Variants in MGST1 observed in about 807,000 individuals in gnomAD.
MGST1 encodes microsomal glutathione S-transferase 1.
In MGST1, 5 loss-of-function variants were observed where a neutral mutation model predicts 8.9. The observed-to-expected ratio is 0.56, with a 90% CI of 0.29 to 1.19. The LOEUF (loss-of-function observed/expected upper bound fraction) is 1.19, where lower values mean the gene tolerates loss of function less well. MGST1 is among the 50% of genes most tolerant of loss of function. The pLI, the probability that MGST1 is intolerant of heterozygous loss-of-function variation, is 0.08. For synonymous variants in MGST1, 54 were observed against 67.8 expected (o/e 0.80, Z 1.00); for missense variants, 182 against 187.4 (o/e 0.97, Z 0.17).
At position 16,582,784 on chromosome 12, in the gene MGST1, A is replaced by G. The variant is rs563272624; in HGVS notation, n.483-6744A>G. ...AGAACTAGGCCGGGCACGGTGGCCC[A>G]TGCCTGTAATCCCAGCACTTTGGGA... On this transcript the variant is annotated intron_variant and non_coding_transcript_variant, in intron 4 of 4. Transcript: ENST00000538857. This position sits in a 1 kb window ranked among gnomAD's most constrained non-coding sequence, Gnocchi z 4.1. Among the ~76,000 whole-genome samples the G allele has an allele frequency of 2.7e-3, 414 of 152,322 alleles. No homozygotes were observed. The highest frequency in any genetic ancestry group is 4.8e-3 in the Non-Finnish European group (329 of 68,026).
At chr12:16,590,146 T>G (rs1013149145), downstream of MGST1, among the ~76,000 whole-genome samples, 2 of 152,090 alleles carry the variant, frequency 1.3e-5, no homozygotes, top group Non-Finnish European at 2.9e-5. Flanking sequence ...TAAAAGACAC[T>G]TTGTACATAC....
intron 1 of MGST1, among the ~76,000 whole-genome samples, chr12:16,398,829 A>G (rs1264888381): frequency 6.6e-6 from 1 of 152,160 alleles, no homozygotes; most frequent in East Asian, 1.9e-4. Context: ...ACTTAAAGAG[A>G]TGTGAGGAAG....
intron 4 of MGST1, among the ~76,000 whole-genome samples, chr12:16,481,992 G>C (rs983124268): frequency 4.6e-5 from 7 of 152,082 alleles, no homozygotes; most frequent in African/African-American, 7.2e-5. Context: ...AAAGACTGGA[G>C]AGAAAAGACA....
intron 4 of MGST1, among the ~76,000 whole-genome samples, chr12:16,571,331 A>G (rs941585850): frequency 6.6e-6 from 1 of 152,118 alleles, no homozygotes; most frequent in African/African-American, 2.4e-5. Flanking sequence ...TTCATGAAGC[A>G]TATTCTATTT....
chr12:16,400,810 T>A, intron 1 of MGST1: 1 of 1,238,136 alleles, frequency 8.1e-7, no homozygotes, highest in Non-Finnish European at 1.2e-6. Context: ...CAGGCATTAT[T>A]ACAGTCTCAT....
chr12:16,508,349 G>A (rs1941554282), intron 4 of MGST1, among the ~76,000 whole-genome samples: 1 of 152,108 alleles, frequency 6.6e-6, no homozygotes, highest in South Asian at 2.1e-4. Flanking sequence ...TTCCCTCAGA[G>A]TACTGTGTTC....
chr12:16,474,501 C>T (rs1239861951), intron 4 of MGST1, among the ~76,000 whole-genome samples: 2 of 152,202 alleles, frequency 1.3e-5, no homozygotes, highest in East Asian at 1.9e-4. Flanking sequence ...AATTACTCTA[C>T]CCCAAAGCTG....
chr12:16,529,841 G>GT (rs1276653415), intron 4 of MGST1, among the ~76,000 whole-genome samples: 3 of 152,032 alleles, frequency 2.0e-5, no homozygotes, highest in Non-Finnish European at 4.4e-5. Context: ...AACTCAAAGT[G>GT]TGAAACCATC....
At chr12:16,353,757 C>CTT (rs11387725) in intron 1 of MGST1, among the ~76,000 whole-genome samples, 3,947 of 111,376 alleles carry the variant, frequency 0.035, 445 homozygotes, top group African/African-American at 0.11. Flanking sequence ...ATATTGCATA[C>CTT]TTTTTTTTTT....
chr12:16,455,749 A>G lies in MGST1; in HGVS notation n.482+72145A>G, dbSNP rs549629890. Among the ~76,000 whole-genome samples, 152 of 152,006 alleles carry G rather than the reference A, an allele frequency of 1.0e-3. 1 individual carries two copies. The highest frequency in any genetic ancestry group is 3.5e-3 in the African/African-American group (144 of 41,538). On this transcript the variant is annotated intron_variant and non_coding_transcript_variant, in intron 4 of 4. Coordinates refer to the MGST1 transcript ENST00000538857. ...TCAGAAATCTGTACAAGAAAGTTAC[A>G]TTTATAATGGCCATGAAACCCAAGA...
chr12:16,465,038 TGAGAA>T (rs1941244201), intron 4 of MGST1, among the ~76,000 whole-genome samples: 1 of 152,180 alleles, frequency 6.6e-6, no homozygotes, highest in Non-Finnish European at 1.5e-5. Context: ...ACACTGCCTC[TGAGAA>T]GAGAAGTGTG....
At chr12:16,583,931 A>C (rs1377735890) in intron 4 of MGST1, among the ~76,000 whole-genome samples, 1 of 152,216 alleles carries the variant, frequency 6.6e-6, no homozygotes, top group Non-Finnish European at 1.5e-5. Flanking sequence ...GTCTGAAATC[A>C]AAGATCAGTG....
chr12:16,461,685 A>G (rs1405798846), intron 4 of MGST1, among the ~76,000 whole-genome samples: 1 of 152,168 alleles, frequency 6.6e-6, no homozygotes, highest in Admixed American at 6.5e-5. Context: ...CTTTCCAATT[A>G]TTAGCAAAAA....
intron 4 of MGST1, among the ~76,000 whole-genome samples, chr12:16,525,364 A>G (rs1342537429): frequency 2.1e-5 from 3 of 145,910 alleles, no homozygotes; most frequent in South Asian, 2.2e-4. Flanking sequence ...TCATTGTTCA[A>G]TTCCCACCTA....
intron 4 of MGST1, among the ~76,000 whole-genome samples, chr12:16,508,016 ATGTGTG>A (rs1941551141): frequency 6.6e-6 from 1 of 152,060 alleles, no homozygotes; most frequent in East Asian, 1.9e-4. Context: ...CTTTTTTCAT[ATGTGTG>A]TGTATGCACA....
intron 1 of MGST1, among the ~76,000 whole-genome samples, chr12:16,436,705 T>C (rs183835553): frequency 1.3e-5 from 2 of 152,002 alleles, no homozygotes. Context: ...AAGAGCCTTA[T>C]TGAAATAATC....
chr12:16,377,388 C>T (rs1267463674), downstream of MGST1, among the ~76,000 whole-genome samples: 1 of 147,538 alleles, frequency 6.8e-6, no homozygotes, highest in Non-Finnish European at 1.5e-5. Flanking sequence ...TGAGTGAGAA[C>T]ATATGGTGTT....
Position 16,587,147 on chromosome 12 carries a change from A to G in MGST1, n.483-2381A>G, listed in dbSNP as rs1254306173. On this transcript the variant is annotated intron_variant and non_coding_transcript_variant, in intron 4 of 4. Coordinates refer to the MGST1 transcript ENST00000538857. This position sits in a 1 kb window ranked among gnomAD's most constrained non-coding sequence, Gnocchi z 4.3. ...ATGGCTTACATTTTAAATTATAGCA[A>G]TTGTGGGTGCTGCTGACCTGTCAAT... is the stretch of plus-strand genomic sequence containing the variant. Among the ~76,000 whole-genome samples the G allele has an allele frequency of 6.6e-6, 1 of 152,192 alleles. No individual in the cohort carries two copies. The highest frequency in any genetic ancestry group is 1.9e-4 in the East Asian group (1 of 5,192).
intron 4 of MGST1, among the ~76,000 whole-genome samples, chr12:16,494,849 A>G (rs1941460153): frequency 6.6e-6 from 1 of 152,184 alleles, no homozygotes; most frequent in Non-Finnish European, 1.5e-5. Context: ...GTCCTTATTA[A>G]TAGTCTCCTA....
Sources: allele counts gnomAD v4.1 joint callset (sites outside exome capture counted in the v4.1 genomes callset), GRCh38; gene constraint gnomAD v4.1.1; non-coding constraint Gnocchi (gnomAD v3.1); transcripts MANE v1.5; gene names NCBI Gene and HGNC (gene_info 2026-07-23, HGNC 2026-07-21).